MS4A6E: variants seen among roughly 807,000 people sequenced by gnomAD.
MS4A6E encodes the protein membrane-spanning 4-domains subfamily A member 6E.
Under a neutral mutation model 13.2 loss-of-function variants are expected in MS4A6E, and 8 were observed. The observed-to-expected ratio is 0.60, with a 90% CI of 0.35 to 1.09. MS4A6E has a LOEUF of 1.09. Ranked by LOEUF, MS4A6E falls within the 50% of genes least tolerant of loss-of-function variation. The pLI is 0.02. For synonymous variants in MS4A6E, 72 were observed against 67.6 expected, an observed-to-expected ratio of 1.06 and a Z score of -0.32; for missense variants, 177 against 171.1, an observed-to-expected ratio of 1.03 and a Z score of -0.19.
At chr11:60,347,091 G>A (rs1387154113) in intron 4 of MS4A6E, among the ~76,000 whole-genome samples, 1 of 152,078 alleles carries the variant, frequency 6.6e-6, no homozygotes, top group African/African-American at 2.4e-5. Context: ...AGGGAAAGTG[G>A]GTAGTTTTAG....
At chr11:60,348,249 C>T (rs2085264531) in intron 4 of MS4A6E, among the ~76,000 whole-genome samples, 1 of 152,078 alleles carries the variant, frequency 6.6e-6, no homozygotes, top group African/African-American at 2.4e-5. Flanking sequence ...ATTGGAAAAG[C>T]TAGAGTGTTT....
chr11:60,328,277 T>A (rs946245965), intron 1 of MS4A6E, among the ~76,000 whole-genome samples: 1 of 152,066 alleles, frequency 6.6e-6, no homozygotes, highest in Non-Finnish European at 1.5e-5. Context: ...TAAGTGAAAT[T>A]TAAAGATTTA....
At chr11:60,345,177 A>T (rs1022432342), downstream of MS4A6E, among the ~76,000 whole-genome samples, 1 of 151,786 alleles carries the variant, frequency 6.6e-6, no homozygotes, top group African/African-American at 2.4e-5. Context: ...CTTGTGATCC[A>T]CCCGCCTCGG....
intron 3 of MS4A6E, among the ~76,000 whole-genome samples, chr11:60,339,465 A>G (rs10897050): frequency 0.5 from 75,618 of 151,922 alleles, 19,152 homozygotes; most frequent in East Asian, 0.59. Flanking sequence ...TAGAGAAAGA[A>G]AGAGACTTGT....
chr11:60,327,899 G>T (rs1477729759), intron 1 of MS4A6E, among the ~76,000 whole-genome samples: 1 of 151,858 alleles, frequency 6.6e-6, no homozygotes, highest in African/African-American at 2.4e-5. Flanking sequence ...TCATGGTGGT[G>T]CACACCTATA....
chr11:60,348,762 C>G (rs1477434161), intron 4 of MS4A6E, among the ~76,000 whole-genome samples: 1 of 152,264 alleles, frequency 6.6e-6, no homozygotes, highest in African/African-American at 2.4e-5. Flanking sequence ...GCCCAGTAAC[C>G]TGGGGGATTG....
intron 4 of MS4A6E, among the ~76,000 whole-genome samples, chr11:60,348,085 C>T (rs760448645): frequency 6.6e-6 from 1 of 152,088 alleles, no homozygotes; most frequent in Non-Finnish European, 1.5e-5. Flanking sequence ...TTAAAAAACC[C>T]AGGAACCAAA....
At chr11:60,338,416 T>G (rs1411693027) in intron 3 of MS4A6E, 1 of 166,648 alleles carries the variant, frequency 6.0e-6, no homozygotes, top group South Asian at 1.6e-4. Context: ...ATAGGAAATA[T>G]GGGGTTAGAT....
chr11:60,338,648 C>T (rs2135062305), intron 3 of MS4A6E: 1 of 152,196 alleles, frequency 6.6e-6, no homozygotes, highest in South Asian at 2.1e-4. Flanking sequence ...AATAATGTGT[C>T]TGAAGTTGAA....
intron 1 of MS4A6E, among the ~76,000 whole-genome samples, chr11:60,328,557 ACT>A (rs1491047331): frequency 4.0e-5 from 6 of 149,572 alleles, no homozygotes; most frequent in Admixed American, 3.3e-4. Context: ...ACACACACAC[ACT>A]CATATAATTC....
rs541895012 is a variant in MS4A6E, at chr11:60,335,188, T to C, written c.147+146T>C. The C allele has an allele frequency of 2.5e-6, 3 of 1,178,730 alleles. 1 individual carries two copies. The South Asian group carries it at 4.9e-5, about 19-fold the overall frequency. 73.0% of individuals were successfully genotyped at this position (1,178,730 alleles called of 1,614,324 possible). A position where few individuals can be genotyped will look rare whatever the true frequency, so the allele number is the denominator to read the frequency against. On this transcript the variant is annotated intron_variant, in intron 2 of 4. Coordinates refer to ENST00000684409, the MANE Select transcript of MS4A6E (RefSeq NM_139249.4). The stretch of plus-strand genomic sequence containing the variant: ...GGGGTAGAAGCCACTTGGAGAAAAC[T>C]GTCCCAGAACTTTTCCACAGGAGAT...
downstream of MS4A6E, among the ~76,000 whole-genome samples, chr11:60,341,604 C>A (rs1180989823): frequency 6.6e-6 from 1 of 152,132 alleles, no homozygotes; most frequent in African/African-American, 2.4e-5. Flanking sequence ...CACGCACACA[C>A]ACACACACAC....
rs2085198826 is a variant in MS4A6E at position 60,337,874 on chromosome 11, C to T, written c.281C>T (p.Thr94Ile). ...AAGTTGGACGAAAAGGATATACCAA[C>T]CAGACTTCTTCTTTCTTATGATTAT... ...QCKLDEKDIP[T>I]RLLLSYDYHS... The change falls in exon 3 of 5, where the codon ACC (threonine) becomes ATC (isoleucine). Residue 94 changes from threonine (T) to isoleucine (I), a missense_variant. Thr to Ile is a moderately conservative substitution (Grantham distance 89). Coordinates refer to ENST00000684409, the MANE Select transcript of MS4A6E (RefSeq NM_139249.4). 3 of 1,614,084 alleles carry T rather than the reference C, an allele frequency of 1.9e-6. No individual in the cohort carries two copies. Among genetic ancestry groups the T allele is most frequent in the Non-Finnish European group, 2.5e-6 (3 of 1,180,048 alleles).
At chr11:60,332,175 CA>C (rs2085160559) in intron 1 of MS4A6E, among the ~76,000 whole-genome samples, 1 of 152,124 alleles carries the variant, frequency 6.6e-6, no homozygotes, top group Admixed American at 6.5e-5. Flanking sequence ...TATTATGTTT[CA>C]AAAAATATTT....
rs1368846839 is a variant in MS4A6E, at chr11:60,334,971, A to T, written c.76A>T (p.Lys26Ter). The change falls in exon 2 of 5, where the codon AAA becomes TAA. Residue 26 changes from lysine to a stop codon, truncating the protein, a stop_gained. Coordinates refer to ENST00000684409, the MANE Select transcript of MS4A6E (RefSeq NM_139249.4). LOFTEE classifies it high-confidence loss of function. ...TGTCATCAACTTCTCCCAAGCAGAG[A>T]AACCCGAACCCACCAACCAGGGGCA... ...SNVINFSQAE[K>*]PEPTNQGQDS... 3.1e-6 allele frequency: 5 copies of T among 1,614,214 alleles called. No individual in the cohort carries two copies. Among genetic ancestry groups the T allele is most frequent in the Admixed American group, 3.3e-5 (2 of 60,016 alleles).
chr11:60,342,203 G>GT (rs2085231966), downstream of MS4A6E, among the ~76,000 whole-genome samples: 1 of 96,870 alleles, frequency 1.0e-5, no homozygotes. Context: ...GAGAGAGAGG[G>GT]GGGGGGAGAG....
intron 4 of MS4A6E, among the ~76,000 whole-genome samples, chr11:60,348,271 T>C (rs2135070134): frequency 6.6e-6 from 1 of 152,288 alleles, no homozygotes; most frequent in East Asian, 1.9e-4. Flanking sequence ...AGCAAAGGAC[T>C]GACAATGTGC....
downstream of MS4A6E, among the ~76,000 whole-genome samples, chr11:60,343,668 G>A (rs1223340678): frequency 6.6e-6 from 1 of 152,222 alleles, no homozygotes; most frequent in African/African-American, 2.4e-5. Context: ...AATCTCGAGA[G>A]GAAATGTTGA....
chr11:60,342,171 GTGTGTGTGAGAGAGAGAGAGAGA>G (rs1565157539), downstream of MS4A6E, among the ~76,000 whole-genome samples: 8 of 33,230 alleles, frequency 2.4e-4, no homozygotes, highest in African/African-American at 7.6e-4. Flanking sequence ...GTGTGTGTGT[GTGTGTGTGAGAGAGAGAGAGAGA>G]GAGAGAGGGG....
Sources: allele counts gnomAD v4.1 joint callset (sites outside exome capture counted in the v4.1 genomes callset), GRCh38; gene constraint gnomAD v4.1.1; transcripts MANE v1.5; gene names NCBI Gene and HGNC (gene_info 2026-07-23, HGNC 2026-07-21).